The following GPC6 variants were observed in gnomAD, a reference collection of about 807,000 sequenced individuals.
GPC6 encodes the protein glypican 6.
GPC6 carries 14 observed loss-of-function variants against 55.2 expected under a neutral mutation model. The observed-to-expected ratio is 0.25, with a 90% CI of 0.17 to 0.40. The LOEUF (loss-of-function observed/expected upper bound fraction) is 0.40, where lower values mean the gene tolerates loss of function less well. GPC6 is among the 10% of genes least tolerant of loss of function. The pLI is 1.00. For missense variants in GPC6, 641 were observed against 708.5 expected, an observed-to-expected ratio of 0.90 and a Z score of 1.08; for synonymous variants, 278 against 259.6, an observed-to-expected ratio of 1.07 and a Z score of -0.68.
intron 4 of GPC6, among the ~76,000 whole-genome samples, chr13:94,068,429 A>C (rs776664100): frequency 5.3e-5 from 8 of 152,194 alleles, no homozygotes; most frequent in Non-Finnish European, 7.3e-5. Flanking sequence ...GCCAAACCAT[A>C]TCATTCCACC....
intron 3 of GPC6, among the ~76,000 whole-genome samples, chr13:93,890,546 G>A (rs556231585): frequency 3.3e-5 from 5 of 151,978 alleles, no homozygotes; most frequent in Admixed American, 1.3e-4. Context: ...TCATGGGATA[G>A]TTTTTAGATG....
intron 2 of GPC6, among the ~76,000 whole-genome samples, chr13:93,673,456 T>C (rs1396443611): frequency 1.3e-5 from 2 of 151,874 alleles, no homozygotes; most frequent in Non-Finnish European, 2.9e-5. Flanking sequence ...AAAGCTACAG[T>C]GAGTTGAGAT....
intron 1 of GPC6, among the ~76,000 whole-genome samples, chr13:93,422,909 GCA>G (rs1466199764): frequency 2.6e-5 from 4 of 152,258 alleles, no homozygotes; most frequent in Non-Finnish European, 4.4e-5. Flanking sequence ...GCCTTAAAAA[GCA>G]CAGAGTAGAG....
chr13:94,360,995 G>A (rs894955615), intron 6 of GPC6, among the ~76,000 whole-genome samples: 1 of 151,974 alleles, frequency 6.6e-6, no homozygotes, highest in Non-Finnish European at 1.5e-5. Flanking sequence ...GGTGTAGCAT[G>A]GGGCCAGCCA....
In GPC6 at chr13:94,306,032, G is replaced by T. The variant is rs765293019; in HGVS notation, c.1061G>T (p.Arg354Leu). ...CCTGCTCCAGCCCTCAGATCTGCCC[G>T]CTCAGCTCCTGAAAATTTTAATACA... ...PKPAPALRSA[R>L]SAPENFNTRF... Residue 354 changes from arginine (R) to leucine (L), a missense_variant, in exon 6 of 9, where the codon CGC becomes CTC. Physicochemically the swap from Arg to Leu is moderately radical, Grantham distance 102. Coordinates refer to ENST00000377047, the MANE Select transcript of GPC6 (RefSeq NM_005708.5). 3.7e-6 allele frequency: 6 copies of T among 1,614,030 alleles called. No homozygotes were observed. Among genetic ancestry groups the T allele is most frequent in the Non-Finnish European group, 5.1e-6 (6 of 1,179,912 alleles).
chr13:94,153,911 A>C (rs1352390815), intron 4 of GPC6, among the ~76,000 whole-genome samples: 2 of 152,206 alleles, frequency 1.3e-5, no homozygotes, highest in East Asian at 3.8e-4. Flanking sequence ...AACACAACTC[A>C]GAATTGTGCA....
At position 93,263,089 on chromosome 13, in the gene GPC6, A is replaced by G. The variant is rs532263685; in HGVS notation, c.160+35473A>G. 7.2e-5 allele frequency among the ~76,000 whole-genome samples: 11 copies of G among 152,142 alleles called. No homozygotes were observed. In the East Asian group the frequency reaches 2.1e-3, roughly 29 times the overall value. On this transcript the variant is annotated intron_variant, in intron 1 of 8. Coordinates refer to ENST00000377047, the MANE Select transcript of GPC6 (RefSeq NM_005708.5). Reference sequence around the variant, plus strand: ...CTGTGATGCTACTAATTTTTACAACAAATATGGGTGTTCTGGGAACTGTCA... The same window carrying G: ...CTGTGATGCTACTAATTTTTACAACGAATATGGGTGTTCTGGGAACTGTCA...
chr13:93,577,902 C>T (rs769147748), intron 2 of GPC6, among the ~76,000 whole-genome samples: 4 of 151,906 alleles, frequency 2.6e-5, no homozygotes, highest in African/African-American at 4.8e-5. Flanking sequence ...AAATTTGTTG[C>T]GGGTTTTTAT....
chr13:93,651,187 T>A (rs1012456500), intron 2 of GPC6, among the ~76,000 whole-genome samples: 1 of 152,056 alleles, frequency 6.6e-6, no homozygotes, highest in African/African-American at 2.4e-5. Context: ...ATTATTAAAA[T>A]TGTTATTAAA....
At chr13:94,109,109 T>C (rs1331373299) in intron 4 of GPC6, among the ~76,000 whole-genome samples, 2 of 152,210 alleles carry the variant, frequency 1.3e-5, no homozygotes, top group Non-Finnish European at 2.9e-5. Context: ...GGAAAATTGC[T>C]TAACTATGTG....
chr13:94,300,178 G>A lies in GPC6; in HGVS notation c.1009-5802G>A, dbSNP rs571857822. ...AGAATTTTTAAAAACCACAGGAGCC[G>A]AGACGGGATTTACCTGCAGCCACTG... On this transcript the variant is annotated intron_variant, in intron 5 of 8. Transcript: ENST00000377047. Among the ~76,000 whole-genome samples, 13 of 152,224 alleles carry A rather than the reference G, an allele frequency of 8.5e-5. No individual in the cohort carries two copies. In the South Asian group the frequency reaches 1.5e-3, roughly 17 times the overall value.
At chr13:93,471,578 C>T (rs943687321) in intron 1 of GPC6, among the ~76,000 whole-genome samples, 1 of 152,058 alleles carries the variant, frequency 6.6e-6, no homozygotes, top group African/African-American at 2.4e-5. Context: ...AACTCTGTCA[C>T]TATATTTTCA....
chr13:94,381,844 C>A (rs1413032057), intron 6 of GPC6, among the ~76,000 whole-genome samples: 6 of 152,238 alleles, frequency 3.9e-5, no homozygotes, highest in African/African-American at 1.2e-4. Flanking sequence ...TTTAGAATGA[C>A]TTCTCTTTCA....
chr13:94,233,607 C>T (rs562035405), intron 4 of GPC6, among the ~76,000 whole-genome samples: 1 of 152,162 alleles, frequency 6.6e-6, no homozygotes, highest in Admixed American at 6.5e-5. Flanking sequence ...CTTTGTCCAG[C>T]GTCTCCACAC....
chr13:94,402,926 G>T, intron 8 of GPC6, 89 bp from the exon 9 acceptor site: 1 of 955,566 alleles, frequency 1.0e-6, no homozygotes, highest in Non-Finnish European at 1.7e-6. Context: ...GGGATTATGG[G>T]GATTACAATT....
intron 2 of GPC6, among the ~76,000 whole-genome samples, chr13:93,781,290 A>G (rs914923079): frequency 1.4e-5 from 2 of 147,030 alleles, no homozygotes; most frequent in Non-Finnish European, 3.0e-5. Context: ...AAAAAAAAAA[A>G]GAAAAAAGAA....
chr13:93,926,414 G>T (rs1877862627), intron 3 of GPC6, among the ~76,000 whole-genome samples: 1 of 152,194 alleles, frequency 6.6e-6, no homozygotes, highest in African/African-American at 2.4e-5. Context: ...TAAAGGTAAT[G>T]TGCCCCCATA....
At chr13:93,860,572 G>T (rs1032438128) in intron 3 of GPC6, among the ~76,000 whole-genome samples, 23 of 151,600 alleles carry the variant, frequency 1.5e-4, no homozygotes, top group African/African-American at 5.3e-4. Context: ...TGAAATTTCT[G>T]TGCAGAATGT....
At chr13:93,383,623 CATT>C (rs1213770727) in intron 1 of GPC6, among the ~76,000 whole-genome samples, 1 of 152,120 alleles carries the variant, frequency 6.6e-6, no homozygotes, top group Non-Finnish European at 1.5e-5. Context: ...AAGACCATGT[CATT>C]TTTTTAAAGC....
Sources: gnomAD v4.1 joint callset for allele counts (sites outside exome capture counted in the v4.1 genomes callset) on GRCh38, gnomAD v4.1.1 for gene constraint, MANE v1.5 for transcripts, NCBI Gene and HGNC (gene_info 2026-07-23, HGNC 2026-07-21) for gene names.